Variants in SERPINE2 observed in about 807,000 individuals in gnomAD.
The protein encoded by SERPINE2 is serpin family E member 2, also known as glia-derived nexin.
Under a neutral mutation model 36.3 loss-of-function variants are expected in SERPINE2, and 14 were observed. That is an observed-to-expected ratio of 0.39 (90% CI 0.25 to 0.60). The LOEUF (loss-of-function observed/expected upper bound fraction) is 0.60, where lower values mean the gene tolerates loss of function less well. SERPINE2 is among the 20% of genes least tolerant of loss of function. The pLI is 0.57. For missense variants in SERPINE2, 418 were observed against 499.6 expected (o/e 0.84, Z 1.56); for synonymous variants, 192 against 191.8 (o/e 1.00, Z -0.01).
chr2:224,032,303 A>G (rs1055642668), intron 1 of SERPINE2, among the ~76,000 whole-genome samples: 1 of 152,108 alleles, frequency 6.6e-6, no homozygotes, highest in African/African-American at 2.4e-5. Flanking sequence ...ACTCTTTCAC[A>G]TACCCACATC....
In SERPINE2 at chr2:223,984,841, C is replaced by G. The variant is rs751930313; in HGVS notation, c.795G>C (p.Leu265=). 5.0e-6 allele frequency: 8 copies of G among 1,614,144 alleles called. No homozygotes were observed. Among genetic ancestry groups the G allele is most frequent in the Non-Finnish European group, 5.9e-6 (7 of 1,180,034 alleles). Residue 265 remains leucine, a synonymous_variant, in exon 5 of 9, where the codon CTG becomes CTC. Coordinates refer to ENST00000409304, the MANE Select transcript of SERPINE2 (RefSeq NM_001136528.2). Reference sequence around the variant, plus strand: ...TGCTGATGTGTGGGATGATGGCAGACAGCGGAGTGGAGCTCTCAGTCGGCA... The same window carrying G: ...TGCTGATGTGTGGGATGATGGCAGAGAGCGGAGTGGAGCTCTCAGTCGGCA... The part of the protein sequence containing the change: ...IALPTESSTP[L]SAIIPHISTK...
chr2:223,982,424 A>C, intron 6 of SERPINE2: 1 of 348,700 alleles, frequency 2.9e-6, no homozygotes, highest in South Asian at 3.3e-5. Context: ...CTTCATCGCT[A>C]TATAAACTGA....
intron 1 of SERPINE2, chr2:224,030,491 A>G (rs1396703557): frequency 6.6e-6 from 1 of 152,510 alleles, no homozygotes; most frequent in Non-Finnish European, 1.5e-5. Flanking sequence ...TCATCCTCAC[A>G]ACACTTCAGG....
chr2:224,009,994 A>G (rs1691568719), intron 1 of SERPINE2, among the ~76,000 whole-genome samples: 1 of 152,216 alleles, frequency 6.6e-6, no homozygotes, highest in South Asian at 2.1e-4. Flanking sequence ...TTACTGAAAT[A>G]ATGTCCACCA....
intron 2 of SERPINE2, among the ~76,000 whole-genome samples, chr2:224,001,258 C>T (rs575251687): frequency 6.6e-6 from 1 of 152,342 alleles, no homozygotes; most frequent in South Asian, 2.1e-4. Flanking sequence ...GGGCCCTCCA[C>T]AGCCACCCCT....
intron 1 of SERPINE2, chr2:224,038,382 G>A: frequency 1.2e-6 from 1 of 853,724 alleles, no homozygotes; most frequent in South Asian, 1.5e-5. Context: ...ATACCTGAAG[G>A]TGGAGTGCTG....
chr2:224,001,751 G>A lies in SERPINE2; in HGVS notation c.150C>T (p.Asn50=). 6.2e-7 allele frequency: 1 copy of A among 1,614,158 alleles called. No individual in the cohort carries two copies. The highest frequency in any genetic ancestry group is 1.7e-5 in the Admixed American group (1 of 60,020). Residue 50 remains asparagine, a synonymous_variant, in exon 2 of 9, where the codon AAC becomes AAT. Transcript: ENST00000409304. ...NQIVKSRPHD[N]IVISPHGIAS... is the part of the protein sequence containing the mutation. ...CAATCCCATGGGGAGAGATCACGAT[G>A]TTGTCATGAGGCCTCGACTTCACAA...
rs560093598 is a variant in SERPINE2 at position 224,031,419 on chromosome 2, C to G, written c.-23+7680G>C. 9.1e-6 allele frequency: 9 copies of G among 985,622 alleles called. No homozygotes were observed. In the African/African-American group the frequency reaches 1.6e-4, roughly 17 times the overall value. The allele number at this position is 985,622 out of a possible 1,614,324, so 61.1% of individuals were successfully genotyped here. On this transcript the variant is annotated intron_variant, in intron 1 of 8. Coordinates refer to ENST00000409304, the MANE Select transcript of SERPINE2 (RefSeq NM_001136528.2). Reference sequence around the variant, plus strand: ...GTTGGGGGGAAAACAGAAAGAAAGGCAGCTGGGGAACGCCAGGCAGCACGG... The same window carrying G: ...GTTGGGGGGAAAACAGAAAGAAAGGGAGCTGGGGAACGCCAGGCAGCACGG...
chr2:224,031,672 C>T (rs1234544713), intron 1 of SERPINE2, among the ~76,000 whole-genome samples: 1 of 152,106 alleles, frequency 6.6e-6, no homozygotes, highest in African/African-American at 2.4e-5. Context: ...TAGGACCTCA[C>T]TCCTCTGCCC....
At chr2:224,019,197 T>C (rs1162053048) in intron 1 of SERPINE2, among the ~76,000 whole-genome samples, 4 of 152,168 alleles carry the variant, frequency 2.6e-5, no homozygotes, top group South Asian at 2.1e-4. Context: ...TATGATAAAG[T>C]TGAATTTATA....
At chr2:223,980,252 T>A (rs1690173649) in intron 7 of SERPINE2, 59 bp downstream of exon 7, 6 of 1,367,854 alleles carry the variant, frequency 4.4e-6, no homozygotes, top group Middle Eastern at 1.8e-4. Flanking sequence ...CCAATGAGTA[T>A]ACAGGAATGT....
chr2:223,980,049 C>A, intron 7 of SERPINE2: 1 of 343,552 alleles, frequency 2.9e-6, no homozygotes, highest in South Asian at 5.1e-5. Context: ...TACATACTAC[C>A]TGGCTCTTTA....
At chr2:224,036,956 G>A (rs1692557111) in intron 1 of SERPINE2, among the ~76,000 whole-genome samples, 1 of 152,116 alleles carries the variant, frequency 6.6e-6, no homozygotes, top group Non-Finnish European at 1.5e-5. Flanking sequence ...ATTAGTCACT[G>A]CCCCAAGGAG....
In SERPINE2 at chr2:224,039,162, C is replaced by G. The variant is rs1473455300; in HGVS notation, c.-86G>C. On this transcript the variant is annotated 5_prime_UTR_variant, in exon 1 of 9. Coordinates refer to ENST00000409304, the MANE Select transcript of SERPINE2 (RefSeq NM_001136528.2). This position sits in a 1 kb window ranked among gnomAD's most constrained non-coding sequence, Gnocchi z 5.2. ...GGTGCGGCCGCAACCGGAGCGGGAGCCTGGTCTCGGCGGCGCGGGGAGTCG... is the reference window on the plus strand; with the variant it reads ...GGTGCGGCCGCAACCGGAGCGGGAGGCTGGTCTCGGCGGCGCGGGGAGTCG... 1 of 151,108 alleles carries G rather than the reference C, an allele frequency of 6.6e-6. No homozygotes were observed. The highest frequency in any genetic ancestry group is 2.1e-4 in the South Asian group (1 of 4,818). 9.4% of individuals were successfully genotyped at this position (151,108 alleles called of 1,614,324 possible).
intron 6 of SERPINE2, chr2:223,981,990 G>A (rs1559194312): frequency 6.6e-6 from 1 of 151,804 alleles, no homozygotes; most frequent in Non-Finnish European, 1.5e-5. Context: ...ATTCATAAAA[G>A]CAATACATGA....
At chr2:224,019,351 A>C (rs957980880) in intron 1 of SERPINE2, among the ~76,000 whole-genome samples, 8 of 152,244 alleles carry the variant, frequency 5.3e-5, no homozygotes, top group African/African-American at 1.7e-4. Context: ...ACTGTACTGC[A>C]TGTACCAATT....
At chr2:224,004,267 GC>G (rs932526193) in intron 1 of SERPINE2, among the ~76,000 whole-genome samples, 1 of 152,136 alleles carries the variant, frequency 6.6e-6, no homozygotes, top group Admixed American at 6.5e-5. Context: ...TCCCTGCCTG[GC>G]CCCCCGACAC....
In SERPINE2 at chr2:223,984,888, T is replaced by C. The variant is rs1690367357; in HGVS notation, c.748A>G (p.Ser250Gly). ...GGCAGTGCAATCAGCATGCTGATGC[T>C]TTCCCCGTGGTAGGGCAGTTCAATG... ...NFIELPYHGESISMLIALPTE... is the reference protein window; with the variant it reads ...NFIELPYHGEGISMLIALPTE... The change falls in exon 5 of 9, where the codon AGC becomes GGC. Residue 250 changes from serine (S) to glycine (G), a missense_variant. Ser to Gly is a moderately conservative substitution (Grantham distance 56). Transcript: ENST00000409304. 1.2e-6 allele frequency: 2 copies of C among 1,614,170 alleles called. No individual in the cohort carries two copies. The highest frequency in any genetic ancestry group is 1.1e-5 in the South Asian group (1 of 91,084).
In SERPINE2 at chr2:224,039,021, G is replaced by C. The variant is rs1692621411; in HGVS notation, c.-23+78C>G. The C allele has an allele frequency of 6.6e-6, 1 of 151,762 alleles. No individual in the cohort carries two copies. Among genetic ancestry groups the C allele is most frequent in the African/African-American group, 2.4e-5 (1 of 41,378 alleles). 9.4% of individuals were successfully genotyped at this position (151,762 alleles called of 1,614,324 possible). On this transcript the variant is annotated intron_variant, in intron 1 of 8. Transcript: ENST00000409304. The surrounding 1 kb of genome is among the most constrained non-coding windows in gnomAD (Gnocchi z 5.2). ...AAGGTCAGGGAGCAGGGCCGGTGGC[G>C]CGCGGAGCCCCGGGGAGCGTCCCCC...
Sources: allele counts gnomAD v4.1 joint callset (sites outside exome capture counted in the v4.1 genomes callset), GRCh38; gene constraint gnomAD v4.1.1; non-coding constraint Gnocchi (gnomAD v3.1); transcripts MANE v1.5; gene names NCBI Gene and HGNC (gene_info 2026-07-23, HGNC 2026-07-21).